PTK7: variants seen among roughly 807,000 people sequenced by gnomAD.
PTK7 encodes the protein protein tyrosine kinase 7 (inactive).
In PTK7, 39 loss-of-function variants were observed where a neutral mutation model predicts 116.6. The observed-to-expected ratio is 0.33, with a 90% CI of 0.26 to 0.44. The LOEUF (loss-of-function observed/expected upper bound fraction) is 0.44. PTK7 is among the 20% of genes least tolerant of loss of function. The pLI is 1.00. For synonymous variants in PTK7, 546 were observed against 563.6 expected (o/e 0.97, Z 0.44); for missense variants, 1,169 against 1,425.6 (o/e 0.82, Z 2.90).
chr6:43,137,639 G>T (rs1770117596), intron 7 of PTK7, among the ~76,000 whole-genome samples: 1 of 152,308 alleles, frequency 6.6e-6, no homozygotes, highest in East Asian at 1.9e-4. Flanking sequence ...CTGGATGAGT[G>T]AGTGTTGCTA....
rs1054693529 is a variant in PTK7 at position 43,129,172 on chromosome 6, G to A, written c.275G>A (p.Arg92Gln). 3 of 1,614,192 alleles carry A rather than the reference G, an allele frequency of 1.9e-6. No homozygotes were observed. The highest frequency in any genetic ancestry group is 1.7e-6 in the Non-Finnish European group (2 of 1,180,038). ...AGCCTGAGCTTTGCAGCTGTGGACC[G>A]GCTGCAGGACTCTGGCACCTTCCAG... ...GSSLSFAAVD[R>Q]LQDSGTFQCV... The change falls in exon 2 of 20, where the codon CGG becomes CAG. Residue 92 changes from arginine to glutamine, a missense_variant. Physicochemically the swap from Arg to Gln is conservative, Grantham distance 43. Transcript: ENST00000230419. The surrounding 1 kb of genome is among the most constrained non-coding windows in gnomAD (Gnocchi z 4.5).
chr6:43,127,665 C>G (rs1769375300), intron 1 of PTK7, among the ~76,000 whole-genome samples: 1 of 151,896 alleles, frequency 6.6e-6, no homozygotes, highest in Admixed American at 6.6e-5. Context: ...TGCGGTGGCT[C>G]ACGCCTGTAA....
At position 43,159,847 on chromosome 6, in the gene PTK7, T is replaced by C. The variant is rs1347848664; in HGVS notation, c.2933T>C (p.Ile978Thr). 4 of 1,614,124 alleles carry C rather than the reference T, an allele frequency of 2.5e-6. No individual in the cohort carries two copies. Among genetic ancestry groups the C allele is most frequent in the Admixed American group, 3.3e-5 (2 of 60,006 alleles). ...VPLRWMSPEA[I>T]LEGDFSTKSD... is the part of the protein sequence containing the mutation. Reference sequence around the variant, plus strand: ...CTGCGCTGGATGTCCCCCGAGGCCATCCTGGAGGGTGACTTCTCTACCAAG... The same window carrying C: ...CTGCGCTGGATGTCCCCCGAGGCCACCCTGGAGGGTGACTTCTCTACCAAG... Residue 978 changes from isoleucine to threonine, a missense_variant, in exon 19 of 20, where the codon ATC becomes ACC. Around this residue, in one of 3 missense-constraint regions of PTK7, gnomAD observed 678 missense variants for 853.8 expected, o/e 0.79. Transcript: ENST00000230419.
chr6:43,157,348 A>ATT (rs1771517056), intron 17 of PTK7, among the ~76,000 whole-genome samples: 1 of 4,720 alleles, frequency 2.1e-4, no homozygotes, highest in Admixed American at 3.2e-3. Flanking sequence ...ATATATATAT[A>ATT]TATATATATA....
intron 7 of PTK7, among the ~76,000 whole-genome samples, chr6:43,134,027 T>G (rs1769874761): frequency 6.6e-6 from 1 of 152,146 alleles, no homozygotes; most frequent in Non-Finnish European, 1.5e-5. Flanking sequence ...TCACCTGCTT[T>G]CATTAGGGAT....
chr6:43,115,678 A>G (rs1043659429), intron 1 of PTK7, among the ~76,000 whole-genome samples: 3 of 151,870 alleles, frequency 2.0e-5, no homozygotes, highest in Non-Finnish European at 2.9e-5. Flanking sequence ...GCTCACACCT[A>G]TAATCCCAGC....
chr6:43,103,708 G>T (rs1214121841), intron 1 of PTK7, among the ~76,000 whole-genome samples: 1 of 152,124 alleles, frequency 6.6e-6, no homozygotes, highest in African/African-American at 2.4e-5. Context: ...TGAACTCACA[G>T]CCTTAACCTT....
intron 1 of PTK7, among the ~76,000 whole-genome samples, chr6:43,094,159 A>G (rs1360345370): frequency 2.6e-5 from 4 of 152,228 alleles, no homozygotes; most frequent in African/African-American, 7.2e-5. Context: ...CTGCCTGGCA[A>G]AAAAGTTCAA....
At chr6:43,160,306 G>A (rs187954526) in intron 19 of PTK7, among the ~76,000 whole-genome samples, 20 of 151,980 alleles carry the variant, frequency 1.3e-4, no homozygotes, top group Non-Finnish European at 2.4e-4. Context: ...TAGTAGAGAT[G>A]GGGGGGCTTC....
Position 43,097,265 on chromosome 6 carries a change from C to T in PTK7, c.79+20698C>T, listed in dbSNP as rs771177760. Among the ~76,000 whole-genome samples, 6 of 152,216 alleles carry T rather than the reference C, an allele frequency of 3.9e-5. No homozygotes were observed. In the South Asian group the frequency reaches 1.2e-3, roughly 31 times the overall value. ...GAAGCCGGTGCTGTCTGTACTCCCT[C>T]ACCCCATCCTGCCCCCACTTCCCTG... On this transcript the variant is annotated intron_variant, in intron 1 of 19. Transcript: ENST00000230419.
Position 43,143,655 on chromosome 6 carries a change from T to A in PTK7, c.2251+35T>A. On this transcript the variant is annotated intron_variant, in intron 14 of 19. Coordinates refer to ENST00000230419, the MANE Select transcript of PTK7 (RefSeq NM_002821.5). This position sits in a 1 kb window ranked among gnomAD's most constrained non-coding sequence, Gnocchi z 4.2. Reference sequence around the variant, plus strand: ...CCTGGACGGGGAGGTGGTGCCCGTGTGCGGGAGCTGAGCGCCCTCCCGCGG... The same window carrying A: ...CCTGGACGGGGAGGTGGTGCCCGTGAGCGGGAGCTGAGCGCCCTCCCGCGG... 1 of 1,591,032 alleles carries A rather than the reference T, an allele frequency of 6.3e-7. No individual in the cohort carries two copies. Among genetic ancestry groups the A allele is most frequent in the Non-Finnish European group, 8.5e-7 (1 of 1,170,172 alleles).
chr6:43,151,144 C>G (rs562609227), intron 17 of PTK7, among the ~76,000 whole-genome samples: 1 of 151,664 alleles, frequency 6.6e-6, no homozygotes, highest in Non-Finnish European at 1.5e-5. Context: ...TCATGGAAAC[C>G]CCAGTGTACT....
intron 17 of PTK7, among the ~76,000 whole-genome samples, chr6:43,153,459 G>C (rs1180184780): frequency 6.6e-6 from 1 of 151,982 alleles, no homozygotes; most frequent in East Asian, 1.9e-4. Context: ...ACCCAGGCTG[G>C]AATGCAGTGG....
intron 1 of PTK7, among the ~76,000 whole-genome samples, chr6:43,100,547 C>T (rs1029120208): frequency 7.0e-6 from 1 of 142,356 alleles, no homozygotes; most frequent in Non-Finnish European, 1.5e-5. Context: ...GCATTTTTGT[C>T]TTTATAGTTT....
chr6:43,100,153 A>T (rs1767485739), intron 1 of PTK7, among the ~76,000 whole-genome samples: 1 of 152,070 alleles, frequency 6.6e-6, no homozygotes, highest in Non-Finnish European at 1.5e-5. Context: ...GGAGGCTGAG[A>T]CGGGCGGATC....
chr6:43,152,081 T>C (rs1437091188), intron 17 of PTK7, among the ~76,000 whole-genome samples: 1 of 151,392 alleles, frequency 6.6e-6, no homozygotes, highest in Non-Finnish European at 1.5e-5. Context: ...TTTCCTGACC[T>C]TGTGATCCAC....
intron 17 of PTK7, among the ~76,000 whole-genome samples, chr6:43,150,889 C>T (rs1410530500): frequency 6.8e-6 from 1 of 146,986 alleles, no homozygotes; most frequent in Non-Finnish European, 1.5e-5. Flanking sequence ...CTCACTGCAG[C>T]CTCCGCCTCC....
At position 43,145,639 on chromosome 6, in the gene PTK7, A is replaced by C; in HGVS notation, c.2640+207A>C. The C allele has an allele frequency of 2.6e-6, 1 of 384,360 alleles. No individual in the cohort carries two copies. The highest frequency in any genetic ancestry group is 4.6e-6 in the Non-Finnish European group (1 of 216,470). The allele number at this position is 384,360 out of a possible 1,614,324, so 23.8% of individuals were successfully genotyped here. On this transcript the variant is annotated intron_variant, in intron 16 of 19. Coordinates refer to ENST00000230419, the MANE Select transcript of PTK7 (RefSeq NM_002821.5). The surrounding 1 kb of genome is among the most constrained non-coding windows in gnomAD (Gnocchi z 4.8). ...GGATGCCTGCTTTCCCTTTATCAGC[A>C]CCCAGTCTTTCCATCTGTATCTCAG...
At chr6:43,133,064 T>C (rs1769806827) in intron 7 of PTK7, 1 of 418,660 alleles carries the variant, frequency 2.4e-6, no homozygotes. Context: ...AGTAATCTAC[T>C]ACCTACCCCA....
Sources: allele counts gnomAD v4.1 joint callset (sites outside exome capture counted in the v4.1 genomes callset), GRCh38; gene constraint gnomAD v4.1.1; regional missense constraint gnomAD v4.1.1; non-coding constraint Gnocchi (gnomAD v3.1); transcripts MANE v1.5; gene names NCBI Gene and HGNC (gene_info 2026-07-23, HGNC 2026-07-21).